RXFP1: variants seen among roughly 807,000 people sequenced by gnomAD.
RXFP1 encodes relaxin receptor 1.
A neutral mutation model predicts 89.8 loss-of-function variants in RXFP1; 73 were observed. That is an observed-to-expected ratio of 0.81 (90% confidence interval 0.67 to 0.99). RXFP1 has a LOEUF of 0.99. RXFP1 is among the 50% of genes least tolerant of loss of function. The pLI is 0.00. For missense variants in RXFP1, 793 were observed against 895.5 expected, an observed-to-expected ratio of 0.89 and a Z score of 1.46; for synonymous variants, 277 against 305.5, an observed-to-expected ratio of 0.91 and a Z score of 0.97.
chr4:158,645,209 T>A, intron 15 of RXFP1, 71 bp downstream of exon 15: 1 of 1,156,694 alleles, frequency 8.6e-7, no homozygotes, highest in Middle Eastern at 2.0e-4. Flanking sequence ...AGAAAATAAG[T>A]TGTGTGAGTG....
intron 1 of RXFP1, among the ~76,000 whole-genome samples, chr4:158,550,158 G>T (rs1298272069): frequency 6.6e-6 from 1 of 152,190 alleles, no homozygotes; most frequent in Non-Finnish European, 1.5e-5. Flanking sequence ...ATGGCAGGAG[G>T]CCCTCCCCCA....
intron 1 of RXFP1, among the ~76,000 whole-genome samples, chr4:158,566,757 T>C (rs1375202404): frequency 2.0e-5 from 3 of 152,280 alleles, no homozygotes; most frequent in African/African-American, 4.8e-5. Flanking sequence ...ACTAATTTCA[T>C]GATACCGAGA....
At chr4:158,546,451 C>T (rs1748440289) in intron 1 of RXFP1, among the ~76,000 whole-genome samples, 1 of 152,250 alleles carries the variant, frequency 6.6e-6, no homozygotes, top group African/African-American at 2.4e-5. Flanking sequence ...TTTCCTTCTC[C>T]TGCCTAATTG....
chr4:158,628,104 G>T (rs1767265604), intron 10 of RXFP1, among the ~76,000 whole-genome samples: 1 of 152,128 alleles, frequency 6.6e-6, no homozygotes, highest in African/African-American at 2.4e-5. Context: ...GGTCCTCTAG[G>T]CTAGCTGGTA....
intron 1 of RXFP1, among the ~76,000 whole-genome samples, chr4:158,531,126 C>G (rs1353869921): frequency 2.6e-5 from 4 of 152,066 alleles, no homozygotes; most frequent in Non-Finnish European, 5.9e-5. Flanking sequence ...AAACTCTGCC[C>G]CCTGGCTCAA....
intron 1 of RXFP1, among the ~76,000 whole-genome samples, chr4:158,542,156 T>C (rs1746973118): frequency 7.1e-6 from 1 of 140,972 alleles, no homozygotes; most frequent in South Asian, 2.3e-4. Flanking sequence ...ACCAGGCTGG[T>C]CTCGAACTCC....
At chr4:158,528,108 A>G (rs898486256) in intron 1 of RXFP1, among the ~76,000 whole-genome samples, 4 of 152,220 alleles carry the variant, frequency 2.6e-5, no homozygotes, top group African/African-American at 9.7e-5. Flanking sequence ...CATTTAAATC[A>G]TTCTCACAAC....
At chr4:158,640,840 A>G (rs963342890) in intron 14 of RXFP1, among the ~76,000 whole-genome samples, 2 of 152,258 alleles carry the variant, frequency 1.3e-5, no homozygotes, top group Non-Finnish European at 2.9e-5. Flanking sequence ...AGTCTTTCTC[A>G]ATGAAAATAT....
At chr4:158,574,786 T>A (rs1755861122) in intron 2 of RXFP1, among the ~76,000 whole-genome samples, 1 of 152,210 alleles carries the variant, frequency 6.6e-6, no homozygotes, top group African/African-American at 2.4e-5. Context: ...AAACACTATT[T>A]CTATGTGATG....
At chr4:158,649,746 G>A (rs1412001695) in intron 17 of RXFP1, among the ~76,000 whole-genome samples, 1 of 152,216 alleles carries the variant, frequency 6.6e-6, no homozygotes, top group Non-Finnish European at 1.5e-5. Context: ...CTTGTGAATT[G>A]CTGGTAGAAA....
At chr4:158,624,782 A>G (rs1194832543) in intron 9 of RXFP1, among the ~76,000 whole-genome samples, 1 of 152,120 alleles carries the variant, frequency 6.6e-6, no homozygotes, top group Non-Finnish European at 1.5e-5. Flanking sequence ...ATGTATGCTC[A>G]TATACAGGCC....
chr4:158,618,893 CA>C (rs1168434626), intron 9 of RXFP1, among the ~76,000 whole-genome samples: 2 of 151,878 alleles, frequency 1.3e-5, no homozygotes, highest in African/African-American at 4.8e-5. Flanking sequence ...AGCATAAGGA[CA>C]GATATGGCAA....
intron 1 of RXFP1, among the ~76,000 whole-genome samples, chr4:158,559,608 A>T (rs1320750700): frequency 6.6e-6 from 1 of 152,214 alleles, no homozygotes; most frequent in Non-Finnish European, 1.5e-5. Flanking sequence ...ATATTAAGAC[A>T]AGCATCCGTG....
At position 158,646,804 on chromosome 4, in the gene RXFP1, A is replaced by C. The variant is rs761354251; in HGVS notation, c.1359A>C (p.Leu453Phe). The change falls in exon 16 of 18, where the codon TTA (leucine) becomes TTC (phenylalanine). Residue 453 changes from leucine (L) to phenylalanine (F), a missense_variant. By Grantham distance (22) the Leu-to-Phe change is conservative (BLOSUM62 0). Transcript: ENST00000307765. Reference sequence around the variant, plus strand: ...TGACTCCTCTAGGTGCCGACTGCTTAATGGGAATATATTTATTCGTGATCG... The same window carrying C: ...TGACTCCTCTAGGTGCCGACTGCTTCATGGGAATATATTTATTCGTGATCG... ...SIISLCCADCLMGIYLFVIGG... is the reference protein window; with the variant it reads ...SIISLCCADCFMGIYLFVIGG... The C allele has an allele frequency of 3.1e-6, 5 of 1,607,578 alleles. No homozygotes were observed. Among genetic ancestry groups the C allele is most frequent in the Non-Finnish European group, 4.3e-6 (5 of 1,175,598 alleles).
chr4:158,587,864 A>G (rs1362246267), intron 2 of RXFP1, among the ~76,000 whole-genome samples: 1 of 152,204 alleles, frequency 6.6e-6, no homozygotes, highest in African/African-American at 2.4e-5. Flanking sequence ...CATGATGGGT[A>G]CTTGCTAAAT....
chr4:158,532,064 GT>G (rs1451124697), intron 1 of RXFP1, among the ~76,000 whole-genome samples: 1 of 152,122 alleles, frequency 6.6e-6, no homozygotes, highest in African/African-American at 2.4e-5. Flanking sequence ...CTGATAGGCA[GT>G]TTTTCAGAAT....
chr4:158,544,364 A>G, intron 1 of RXFP1: 1 of 985,348 alleles, frequency 1.0e-6, no homozygotes, highest in Non-Finnish European at 1.2e-6. Flanking sequence ...AAGGATTTCA[A>G]AAGAGGGACA....
chr4:158,619,470 G>A (rs939002374), intron 9 of RXFP1, among the ~76,000 whole-genome samples: 5 of 152,148 alleles, frequency 3.3e-5, no homozygotes, highest in African/African-American at 1.2e-4. Context: ...CAGGTACAAA[G>A]AAAACTAAAA....
At chr4:158,651,700 T>C in intron 17 of RXFP1, 57 bp from the exon 18 acceptor site, 1 of 1,398,064 alleles carries the variant, frequency 7.2e-7, no homozygotes, top group South Asian at 1.5e-5. Context: ...GGAAATTGGG[T>C]TTCTATACCT....
Sources: gnomAD v4.1 joint callset for allele counts (sites outside exome capture counted in the v4.1 genomes callset) on GRCh38, gnomAD v4.1.1 for gene constraint, MANE v1.5 for transcripts, NCBI Gene and HGNC (gene_info 2026-07-23, HGNC 2026-07-21) for gene names.